Variants in PLCXD3 observed in about 807,000 individuals in gnomAD.
The protein encoded by PLCXD3 is PI-PLC X domain-containing protein 3.
A neutral mutation model predicts 25.5 loss-of-function variants in PLCXD3; 19 were observed. The observed-to-expected ratio is 0.75, with a 90% CI of 0.52 to 1.09. The LOEUF (loss-of-function observed/expected upper bound fraction) is 1.09, where lower values mean the gene tolerates loss of function less well. Ranked by LOEUF, PLCXD3 falls within the 50% of genes least tolerant of loss-of-function variation. The pLI is 0.00. For missense variants in PLCXD3, 411 were observed against 388.1 expected (o/e 1.06, Z -0.50); for synonymous variants, 174 against 137.6 (o/e 1.26, Z -1.85).
intron 2 of PLCXD3, among the ~76,000 whole-genome samples, chr5:41,339,967 C>T (rs2329602): frequency 0.074 from 11,282 of 152,182 alleles, 736 homozygotes; most frequent in East Asian, 0.35. Flanking sequence ...ATAGAGAGGG[C>T]CAGAGGAGCC....
At chr5:41,502,725 T>A (rs1261904548) in intron 1 of PLCXD3, among the ~76,000 whole-genome samples, 1 of 152,142 alleles carries the variant, frequency 6.6e-6, no homozygotes, top group African/African-American at 2.4e-5. Flanking sequence ...TCCATTGAAG[T>A]TTTCTGGGAT....
chr5:41,310,291 A>G lies in PLCXD3; in HGVS notation c.*3326T>C, dbSNP rs983265036. ...CCTTGAAAATTACAGACAGGAAATC[A>G]AACTTAAAAATGATCTCTTTGCATA... On this transcript the variant is annotated 3_prime_UTR_variant, in exon 3 of 3. Transcript: ENST00000377801. The G allele has an allele frequency of 6.6e-6, 1 of 152,180 alleles. No individual in the cohort carries two copies. Among genetic ancestry groups the G allele is most frequent in the African/African-American group, 2.4e-5 (1 of 41,454 alleles). 9.4% of individuals were successfully genotyped at this position (152,180 alleles called of 1,614,324 possible).
rs1307301182 is a variant in PLCXD3 at position 41,312,532 on chromosome 5, C to CTTCT, written c.*1081_*1084dup. 1 of 150,972 alleles carries CTTCT rather than the reference C, an allele frequency of 6.6e-6. No homozygotes were observed. The highest frequency in any genetic ancestry group is 1.5e-5 in the Non-Finnish European group (1 of 67,668). The allele number at this position is 150,972 out of a possible 1,614,324, so 9.4% of individuals were successfully genotyped here. ...TGGCAGGAAAGCTTGCAGTCTTTTTCTTCTTCCTTCCTCTCTTCCTCCCTC... is the reference window on the plus strand; with the variant it reads ...TGGCAGGAAAGCTTGCAGTCTTTTTCTTCTTTCTTCCTTCCTCTCTTCCTCCCTC... On this transcript the variant is annotated 3_prime_UTR_variant, in exon 3 of 3. Transcript: ENST00000377801.
intron 1 of PLCXD3, among the ~76,000 whole-genome samples, chr5:41,502,362 G>T (rs1167172115): frequency 1.3e-5 from 2 of 151,886 alleles, no homozygotes; most frequent in Non-Finnish European, 2.9e-5. Context: ...TAATTAATAG[G>T]ATAAAATTAT....
intron 2 of PLCXD3, among the ~76,000 whole-genome samples, chr5:41,376,829 C>T (rs1457709073): frequency 1.3e-5 from 2 of 152,122 alleles, no homozygotes; most frequent in Non-Finnish European, 2.9e-5. Context: ...ATATGCCTCA[C>T]AGCACTTAAT....
At chr5:41,461,322 C>CT (rs1239095701) in intron 1 of PLCXD3, among the ~76,000 whole-genome samples, 2 of 151,796 alleles carry the variant, frequency 1.3e-5, no homozygotes, top group Non-Finnish European at 2.9e-5. Context: ...TTCTTTCTTT[C>CT]TTTTTTTGGT....
At chr5:41,348,272 T>A (rs1195562023) in intron 2 of PLCXD3, among the ~76,000 whole-genome samples, 1 of 152,172 alleles carries the variant, frequency 6.6e-6, no homozygotes, top group Admixed American at 6.5e-5. Flanking sequence ...TGTACCATTA[T>A]CTTAAAATAT....
At chr5:41,347,527 C>G (rs546305676) in intron 2 of PLCXD3, among the ~76,000 whole-genome samples, 1 of 152,176 alleles carries the variant, frequency 6.6e-6, no homozygotes, top group Non-Finnish European at 1.5e-5. Context: ...ATCTTTCTCA[C>G]TTAATTTTGG....
intron 1 of PLCXD3, among the ~76,000 whole-genome samples, chr5:41,447,030 A>G (rs1396561222): frequency 6.6e-6 from 1 of 152,256 alleles, no homozygotes; most frequent in Non-Finnish European, 1.5e-5. Flanking sequence ...CATTCCACCC[A>G]TGCCAAAAGC....
chr5:41,480,094 C>A (rs1178479220), intron 1 of PLCXD3, among the ~76,000 whole-genome samples: 2 of 152,170 alleles, frequency 1.3e-5, no homozygotes, highest in Non-Finnish European at 2.9e-5. Context: ...GGGATACGAG[C>A]TGAAGCTTTT....
chr5:41,351,104 G>T (rs1183276777), intron 2 of PLCXD3, among the ~76,000 whole-genome samples: 1 of 152,072 alleles, frequency 6.6e-6, no homozygotes, highest in African/African-American at 2.4e-5. Flanking sequence ...AACTATCAAA[G>T]AAACCACAAA....
chr5:41,497,408 A>C (rs971552731), intron 1 of PLCXD3, among the ~76,000 whole-genome samples: 1 of 151,904 alleles, frequency 6.6e-6, no homozygotes, highest in South Asian at 2.1e-4. Context: ...ATAGATTTTA[A>C]GTCAAATATT....
At chr5:41,374,324 T>C (rs941739037) in intron 2 of PLCXD3, among the ~76,000 whole-genome samples, 11 of 152,116 alleles carry the variant, frequency 7.2e-5, no homozygotes, top group Admixed American at 1.3e-4. Context: ...CATTCCAGTT[T>C]GCCAAGTCCT....
At chr5:41,353,575 C>T (rs1216659396) in intron 2 of PLCXD3, among the ~76,000 whole-genome samples, 1 of 151,998 alleles carries the variant, frequency 6.6e-6, no homozygotes, top group Non-Finnish European at 1.5e-5. Context: ...CTACTATATG[C>T]CAGGAATTGT....
chr5:41,493,004 C>G (rs945930079), intron 1 of PLCXD3, among the ~76,000 whole-genome samples: 1 of 152,386 alleles, frequency 6.6e-6, no homozygotes, highest in Admixed American at 6.5e-5. Flanking sequence ...AGGAGAGGCG[C>G]TCTGCTTTTT....
chr5:41,506,664 G>C (rs1749057846), intron 1 of PLCXD3, among the ~76,000 whole-genome samples: 1 of 152,184 alleles, frequency 6.6e-6, no homozygotes, highest in South Asian at 2.1e-4. Flanking sequence ...TGACTGTTAG[G>C]GGAAGAAATT....
intron 2 of PLCXD3, among the ~76,000 whole-genome samples, chr5:41,373,919 A>T (rs957255553): frequency 6.6e-6 from 1 of 152,120 alleles, no homozygotes; most frequent in Non-Finnish European, 1.5e-5. Flanking sequence ...ACTAAGTAAC[A>T]CAAGACAGAA....
chr5:41,339,869 G>A lies in PLCXD3; in HGVS notation c.813-26099C>T, dbSNP rs182345401. Reference sequence around the variant, plus strand: ...CATAATAGATCATATCCAGTGCTGGGTTATTTCAAGGGAGATTTGCAGGGA... The same window carrying A: ...CATAATAGATCATATCCAGTGCTGGATTATTTCAAGGGAGATTTGCAGGGA... On this transcript the variant is annotated intron_variant, in intron 2 of 2. Transcript: ENST00000377801. 1.2e-3 allele frequency among the ~76,000 whole-genome samples: 184 copies of A among 152,240 alleles called. 1 individual carries two copies. The highest frequency in any genetic ancestry group is 1.4e-3 in the Non-Finnish European group (96 of 68,012).
chr5:41,356,297 A>G (rs1744615839), intron 2 of PLCXD3, among the ~76,000 whole-genome samples: 2 of 152,112 alleles, frequency 1.3e-5, no homozygotes, highest in African/African-American at 4.8e-5. Context: ...AACCATGAAC[A>G]TGTTCATGTG....
Sources: allele counts gnomAD v4.1 joint callset (sites outside exome capture counted in the v4.1 genomes callset), GRCh38; gene constraint gnomAD v4.1.1; transcripts MANE v1.5; gene names NCBI Gene and HGNC (gene_info 2026-07-23, HGNC 2026-07-21).